The following UBTD2 variants were observed in gnomAD, a reference collection of about 807,000 sequenced individuals.
The protein encoded by UBTD2 is ubiquitin domain-containing protein 2.
Under a neutral mutation model 19.8 loss-of-function variants are expected in UBTD2, and 9 were observed. The observed-to-expected ratio is 0.46, with a 90% CI of 0.27 to 0.79. The LOEUF (loss-of-function observed/expected upper bound fraction) is 0.79, where lower values mean the gene tolerates loss of function less well. UBTD2 is among the 30% of genes least tolerant of loss of function. The probability of loss-of-function intolerance (pLI) is 0.14; values close to 1 mark genes in which losing one functional copy is unlikely to be tolerated. For missense variants in UBTD2, 250 were observed against 300.4 expected, an observed-to-expected ratio of 0.83 and a Z score of 1.24; for synonymous variants, 98 against 103.9, an observed-to-expected ratio of 0.94 and a Z score of 0.35.
chr5:172,257,610 C>T (rs1370692053), intron 1 of UBTD2, among the ~76,000 whole-genome samples: 3 of 152,202 alleles, frequency 2.0e-5, no homozygotes, highest in African/African-American at 4.8e-5. Context: ...TCAGCATTCC[C>T]TTTTCTCCAC....
At chr5:172,237,624 T>C (rs1772038426) in intron 1 of UBTD2, among the ~76,000 whole-genome samples, 1 of 152,214 alleles carries the variant, frequency 6.6e-6, no homozygotes, top group South Asian at 2.1e-4. Flanking sequence ...TGAAGCTTCA[T>C]GTTAAACTAA....
At chr5:172,226,849 C>T (rs147424533) in intron 2 of UBTD2, among the ~76,000 whole-genome samples, 175 of 152,306 alleles carry the variant, frequency 1.1e-3, no homozygotes, top group Non-Finnish European at 1.8e-3. Context: ...AATCAGCCAT[C>T]AAGACTGTGG....
At chr5:172,234,427 T>C in intron 1 of UBTD2, 69 bp from the exon 2 acceptor site, 1 of 1,274,622 alleles carries the variant, frequency 7.8e-7, no homozygotes, top group South Asian at 1.2e-5. Flanking sequence ...AGTTATCTGG[T>C]CATTCCTCTC....
chr5:172,257,994 G>A (rs1755191962), intron 1 of UBTD2, among the ~76,000 whole-genome samples: 1 of 152,170 alleles, frequency 6.6e-6, no homozygotes, highest in Non-Finnish European at 1.5e-5. Context: ...TTGCTGTGCA[G>A]AAGCTCTTAG....
rs1771406447 is a variant in UBTD2, at chr5:172,209,974, A to AG, written c.*1855dup. ...ACTTTTTTCCAGTTGACAAACTTTG[A>AG]GAAGTGCTGCTATTCGATGTGGCAC... is the stretch of plus-strand genomic sequence containing the variant. On this transcript the variant is annotated 3_prime_UTR_variant, in exon 3 of 3. Coordinates refer to ENST00000393792, the MANE Select transcript of UBTD2 (RefSeq NM_152277.3). 6.6e-6 allele frequency: 1 copy of AG among 152,252 alleles called. No homozygotes were observed. The highest frequency in any genetic ancestry group is 6.5e-5 in the Admixed American group (1 of 15,272). 9.4% of individuals were successfully genotyped at this position (152,252 alleles called of 1,614,324 possible).
In UBTD2 at chr5:172,230,806, C is replaced by T. The variant is rs1462292579; in HGVS notation, c.307+3316G>A. ...CCTTATTTTTTTTTTTTTTTTGAGA[C>T]GGAGTCTTGCTCTGTCGCTCAGGCT... On this transcript the variant is annotated intron_variant, in intron 2 of 2. Coordinates refer to ENST00000393792, the MANE Select transcript of UBTD2 (RefSeq NM_152277.3). Among the ~76,000 whole-genome samples the T allele has an allele frequency of 1.3e-4, 19 of 145,328 alleles. No homozygotes were observed. The East Asian group carries it at 2.8e-3, about 21-fold the overall frequency.
At chr5:172,227,420 T>C (rs979989210) in intron 2 of UBTD2, among the ~76,000 whole-genome samples, 1 of 152,220 alleles carries the variant, frequency 6.6e-6, no homozygotes, top group African/African-American at 2.4e-5. Context: ...ATTAAGGCCC[T>C]GTTTCATTTC....
intron 1 of UBTD2, among the ~76,000 whole-genome samples, chr5:172,251,324 AAAG>A (rs1301932068): frequency 6.6e-6 from 1 of 151,628 alleles, no homozygotes; most frequent in African/African-American, 2.4e-5. Flanking sequence ...CAAAAAAAAA[AAAG>A]AAAATAGCCA....
intron 2 of UBTD2, among the ~76,000 whole-genome samples, chr5:172,218,103 C>T (rs1316588001): frequency 6.6e-6 from 1 of 152,134 alleles, no homozygotes; most frequent in Non-Finnish European, 1.5e-5. Context: ...ACATAAAACA[C>T]ACCATAACAA....
In UBTD2 at chr5:172,266,206, C is replaced by G. The variant is rs536028235; in HGVS notation, c.70+17390G>C. On this transcript the variant is annotated intron_variant, in intron 1 of 2. Coordinates refer to ENST00000393792, the MANE Select transcript of UBTD2 (RefSeq NM_152277.3). ...TCGGCCTCCGAAAGTGCTGGGATTA[C>G]AGGTGTGAGCCACCGCACCTGGCCA... Among the ~76,000 whole-genome samples, 26 of 152,242 alleles carry G rather than the reference C, an allele frequency of 1.7e-4. No homozygotes were observed. The South Asian group carries it at 4.6e-3, about 27-fold the overall frequency.
chr5:172,246,617 T>A (rs1195913466), intron 1 of UBTD2, among the ~76,000 whole-genome samples: 1 of 151,618 alleles, frequency 6.6e-6, no homozygotes, highest in Non-Finnish European at 1.5e-5. Context: ...CTAATTTTTG[T>A]ATTTTTGGTA....
intron 1 of UBTD2, among the ~76,000 whole-genome samples, chr5:172,246,562 A>C (rs1754887830): frequency 6.7e-6 from 1 of 148,168 alleles, no homozygotes; most frequent in Non-Finnish European, 1.5e-5. Flanking sequence ...CTCCTGCCTC[A>C]GCCTCCCAAA....
Position 172,280,325 on chromosome 5 carries a change from T to C in UBTD2, c.70+3271A>G, listed in dbSNP as rs1244979834. Among the ~76,000 whole-genome samples, 3 of 151,892 alleles carry C rather than the reference T, an allele frequency of 2.0e-5. No individual in the cohort carries two copies. In the East Asian group the frequency reaches 5.8e-4, roughly 29 times the overall value. On this transcript the variant is annotated intron_variant, in intron 1 of 2. Coordinates refer to ENST00000393792, the MANE Select transcript of UBTD2 (RefSeq NM_152277.3). ...GAGTTCAAGACCAGCCAGGCCAACCTGGTGAAACCCCGTCTCTACTAAAAA... is the reference window on the plus strand; with the variant it reads ...GAGTTCAAGACCAGCCAGGCCAACCCGGTGAAACCCCGTCTCTACTAAAAA...
intron 1 of UBTD2, among the ~76,000 whole-genome samples, chr5:172,279,058 G>A (rs1351312209): frequency 6.6e-6 from 1 of 152,178 alleles, no homozygotes; most frequent in East Asian, 1.9e-4. Context: ...GAATGCAGGC[G>A]TAAGCCACTG....
At chr5:172,277,575 G>A (rs1002837499) in intron 1 of UBTD2, among the ~76,000 whole-genome samples, 1 of 151,950 alleles carries the variant, frequency 6.6e-6, no homozygotes, top group Non-Finnish European at 1.5e-5. Flanking sequence ...CTGTGGTGGT[G>A]CACACCTGTG....
chr5:172,256,751 T>C (rs1043079203), intron 1 of UBTD2, among the ~76,000 whole-genome samples: 1 of 151,984 alleles, frequency 6.6e-6, no homozygotes, highest in African/African-American at 2.4e-5. Context: ...TGAAACACCA[T>C]CTCTACTAAA....
At chr5:172,279,593 G>T (rs765203737) in intron 1 of UBTD2, among the ~76,000 whole-genome samples, 4 of 152,174 alleles carry the variant, frequency 2.6e-5, no homozygotes, top group Non-Finnish European at 5.9e-5. Context: ...CAAAATAAAT[G>T]ACACACTCAG....
chr5:172,280,112 A>G (rs6877208), intron 1 of UBTD2, among the ~76,000 whole-genome samples: 27,990 of 151,904 alleles, frequency 0.18, 3,305 homozygotes, highest in African/African-American at 0.33. Flanking sequence ...CAAAAAAAAA[A>G]AAGTCAAAAC....
intron 2 of UBTD2, among the ~76,000 whole-genome samples, chr5:172,217,358 G>T (rs1771564069): frequency 6.7e-6 from 1 of 149,412 alleles, no homozygotes; most frequent in African/African-American, 2.5e-5. Context: ...GGCGGAGCTT[G>T]CAGTGAGTCG....
Sources: gnomAD v4.1 joint callset for allele counts (sites outside exome capture counted in the v4.1 genomes callset) on GRCh38, gnomAD v4.1.1 for gene constraint, MANE v1.5 for transcripts, NCBI Gene and HGNC (gene_info 2026-07-23, HGNC 2026-07-21) for gene names.